Variants in GMDS observed in about 807,000 individuals in gnomAD.
GMDS encodes GDP-mannose 4,6-dehydratase.
Under a neutral mutation model 49.9 loss-of-function variants are expected in GMDS, and 20 were observed. That is an observed-to-expected ratio of 0.40 (90% CI 0.28 to 0.58). The LOEUF is 0.58. GMDS is among the 20% of genes least tolerant of loss of function. The pLI, the probability that GMDS is intolerant of heterozygous loss-of-function variation, is 0.42. For synonymous variants in GMDS, 177 were observed against 178.6 expected (o/e 0.99, Z 0.07); for missense variants, 362 against 481.4 (o/e 0.75, Z 2.32).
At chr6:2,124,766 T>C (rs1450112541) in intron 1 of GMDS, 35 bp from the exon 2 acceptor site, 3 of 1,548,988 alleles carry the variant, frequency 1.9e-6, no homozygotes, top group Non-Finnish European at 2.7e-6. Context: ...AACGTCAGTC[T>C]CATAGTGGTA....
chr6:1,709,472 C>T (rs1765871639), intron 9 of GMDS, among the ~76,000 whole-genome samples: 1 of 152,200 alleles, frequency 6.6e-6, no homozygotes, highest in South Asian at 2.1e-4. Flanking sequence ...GATCATGTTC[C>T]CTGAGCAGCT....
intron 9 of GMDS, among the ~76,000 whole-genome samples, chr6:1,674,449 C>T (rs1764531043): frequency 6.6e-6 from 1 of 151,810 alleles, no homozygotes; most frequent in South Asian, 2.1e-4. Context: ...AAAGCTTCTT[C>T]TCCCAGTCTT....
chr6:1,927,639 G>A (rs138803933), intron 7 of GMDS, among the ~76,000 whole-genome samples: 1 of 152,192 alleles, frequency 6.6e-6, no homozygotes, highest in East Asian at 1.9e-4. Context: ...GCGCTAGCTT[G>A]GCATTTGGGA....
At chr6:2,059,647 G>T (rs1240691053) in intron 4 of GMDS, among the ~76,000 whole-genome samples, 3 of 122,142 alleles carry the variant, frequency 2.5e-5, no homozygotes, top group Non-Finnish European at 4.9e-5. Flanking sequence ...GGCGGAGCTT[G>T]CAGTGAGCCG....
At chr6:1,740,232 ATAT>A (rs1482627032) in intron 8 of GMDS, among the ~76,000 whole-genome samples, 1 of 152,252 alleles carries the variant, frequency 6.6e-6, no homozygotes, top group Non-Finnish European at 1.5e-5. Context: ...AGAGTGGCAG[ATAT>A]TAATTTCTGC....
chr6:1,853,289 C>T (rs190541464), intron 7 of GMDS, among the ~76,000 whole-genome samples: 3,998 of 150,958 alleles, frequency 0.026, 178 homozygotes, highest in African/African-American at 0.091. Flanking sequence ...GAGGCCGAGG[C>T]GGGCGGATCA....
At chr6:2,059,287 T>C (rs1201858385) in intron 4 of GMDS, among the ~76,000 whole-genome samples, 2 of 152,006 alleles carry the variant, frequency 1.3e-5, no homozygotes, top group African/African-American at 4.8e-5. Context: ...TATTGTTTTT[T>C]TAATTTGAGG....
At chr6:1,997,104 G>A (rs1443293755) in intron 4 of GMDS, among the ~76,000 whole-genome samples, 2 of 151,960 alleles carry the variant, frequency 1.3e-5, no homozygotes, top group African/African-American at 4.8e-5. Flanking sequence ...CCAGGCAGAG[G>A]AAGGGATGGG....
At chr6:2,028,338 A>G (rs1768731069) in intron 4 of GMDS, among the ~76,000 whole-genome samples, 1 of 152,228 alleles carries the variant, frequency 6.6e-6, no homozygotes. Flanking sequence ...ACATTTTTAA[A>G]CCCTAAATCA....
chr6:1,673,799 T>A (rs924991096), intron 9 of GMDS, among the ~76,000 whole-genome samples: 2 of 151,914 alleles, frequency 1.3e-5, no homozygotes, highest in Non-Finnish European at 2.9e-5. Context: ...AGTACTCAGC[T>A]TTTTCAGACT....
At chr6:1,871,389 A>G (rs1424237791) in intron 7 of GMDS, among the ~76,000 whole-genome samples, 2 of 152,232 alleles carry the variant, frequency 1.3e-5, no homozygotes, top group Non-Finnish European at 2.9e-5. Context: ...GTCTACAGAG[A>G]ATGTAATATT....
chr6:1,701,535 G>C lies in GMDS; in HGVS notation c.987+24881C>G, dbSNP rs370944939. ...AATTAGGGCAGTGTTTGAGCTTAAA[G>C]GCAAGTCTGTACAATTGAAAAGGTG... On this transcript the variant is annotated intron_variant, in intron 9 of 10. Transcript: ENST00000380815. Among the ~76,000 whole-genome samples the C allele has an allele frequency of 2.0e-5, 3 of 151,976 alleles. No individual in the cohort carries two copies. In the East Asian group the frequency reaches 5.8e-4, roughly 29 times the overall value.
At chr6:2,063,727 G>A (rs1397384222) in intron 4 of GMDS, among the ~76,000 whole-genome samples, 5 of 152,102 alleles carry the variant, frequency 3.3e-5, no homozygotes, top group Non-Finnish European at 7.4e-5. Flanking sequence ...AGCATTCGTG[G>A]AGCCCAAGGT....
intron 7 of GMDS, among the ~76,000 whole-genome samples, chr6:1,800,145 TC>T (rs1041092105): frequency 6.6e-6 from 1 of 152,262 alleles, no homozygotes; most frequent in Non-Finnish European, 1.5e-5. Context: ...CTGAAATTCT[TC>T]CTTCTCGACA....
At chr6:1,889,820 T>C (rs543150804) in intron 7 of GMDS, among the ~76,000 whole-genome samples, 31 of 152,334 alleles carry the variant, frequency 2.0e-4, no homozygotes, top group Non-Finnish European at 2.6e-4. Context: ...TCAGTGTCTA[T>C]GGATTCTTGT....
chr6:2,120,447 A>G (rs1470640341), intron 2 of GMDS, among the ~76,000 whole-genome samples: 1 of 152,218 alleles, frequency 6.6e-6, no homozygotes, highest in African/African-American at 2.4e-5. Flanking sequence ...ATGTTCTAAC[A>G]AAAAATCTCC....
intron 1 of GMDS, among the ~76,000 whole-genome samples, chr6:2,147,288 A>G (rs1776604009): frequency 1.3e-5 from 2 of 152,208 alleles, no homozygotes; most frequent in African/African-American, 4.8e-5. Context: ...GATAATCAAA[A>G]TGGTAACCAT....
intron 7 of GMDS, among the ~76,000 whole-genome samples, chr6:1,802,421 T>C (rs931880218): frequency 6.6e-6 from 1 of 152,252 alleles, no homozygotes; most frequent in African/African-American, 2.4e-5. Flanking sequence ...GCAGGAAGTA[T>C]ATTTAAAAAA....
intron 7 of GMDS, among the ~76,000 whole-genome samples, chr6:1,899,448 G>C (rs1225254660): frequency 1.3e-5 from 2 of 152,156 alleles, no homozygotes; most frequent in African/African-American, 4.8e-5. Context: ...GCTTGATATG[G>C]CAAAGTGGAA....
Sources: gnomAD v4.1 joint callset for allele counts (sites outside exome capture counted in the v4.1 genomes callset) on GRCh38, gnomAD v4.1.1 for gene constraint, MANE v1.5 for transcripts, NCBI Gene and HGNC (gene_info 2026-07-23, HGNC 2026-07-21) for gene names.